The following CALN1 variants were observed in gnomAD, a reference collection of about 807,000 sequenced individuals.
CALN1 encodes calcium-binding protein 8.
Under a neutral mutation model 30.6 loss-of-function variants are expected in CALN1, and 17 were observed. The observed-to-expected ratio is 0.56, with a 90% CI of 0.38 to 0.83. The LOEUF is 0.83. Among genes scored for constraint, CALN1 ranks in the 40% least tolerant of loss-of-function variants. CALN1 has a pLI of 0.00. For synonymous variants in CALN1, 156 were observed against 131.4 expected (o/e 1.19, Z -1.28); for missense variants, 291 against 354.9 (o/e 0.82, Z 1.45).
chr7:72,042,607 G>A (rs529798971), intron 4 of CALN1, among the ~76,000 whole-genome samples: 10 of 152,190 alleles, frequency 6.6e-5, no homozygotes, highest in African/African-American at 1.7e-4. Flanking sequence ...TGGATCACAC[G>A]TACGTATAAC....
At chr7:72,124,974 TATTA>T (rs1239786093) in intron 3 of CALN1, among the ~76,000 whole-genome samples, 2 of 152,158 alleles carry the variant, frequency 1.3e-5, no homozygotes, top group African/African-American at 2.4e-5. Context: ...ATTTTTTTAC[TATTA>T]ATTTTCTAGT....
In CALN1 at chr7:72,128,454, A is replaced by G. The variant is rs576526516; in HGVS notation, c.245-22160T>C. Among the ~76,000 whole-genome samples, 10 of 152,358 alleles carry G rather than the reference A, an allele frequency of 6.6e-5. No homozygotes were observed. In the East Asian group the frequency reaches 1.9e-3, roughly 29 times the overall value. ...ATCCCAAAACAATCAAAGATTAAGTATATTAAAACAAACTCATAATTCCTA... is the reference window on the plus strand; with the variant it reads ...ATCCCAAAACAATCAAAGATTAAGTGTATTAAAACAAACTCATAATTCCTA... On this transcript the variant is annotated intron_variant, in intron 3 of 6. Transcript: ENST00000395275.
At chr7:72,188,325 A>G (rs1790353830) in intron 3 of CALN1, among the ~76,000 whole-genome samples, 1 of 152,182 alleles carries the variant, frequency 6.6e-6, no homozygotes, top group African/African-American at 2.4e-5. Context: ...TTACGTATAC[A>G]TATTCTTTAT....
intron 3 of CALN1, among the ~76,000 whole-genome samples, chr7:72,266,917 G>A (rs542895379): frequency 6.6e-6 from 1 of 152,184 alleles, no homozygotes; most frequent in Non-Finnish European, 1.5e-5. Context: ...CAAGCCTCCA[G>A]GAGGAAGGTA....
At chr7:71,891,910 C>T (rs1793260564) in intron 5 of CALN1, among the ~76,000 whole-genome samples, 1 of 151,908 alleles carries the variant, frequency 6.6e-6, no homozygotes, top group East Asian at 1.9e-4. Flanking sequence ...CCCCACTGCA[C>T]TCCAGCCTGG....
At chr7:71,945,958 T>C (rs1164006317) in intron 5 of CALN1, among the ~76,000 whole-genome samples, 1 of 152,060 alleles carries the variant, frequency 6.6e-6, no homozygotes, top group Admixed American at 6.6e-5. Flanking sequence ...TTCAGAGAAG[T>C]TAGGGCAGAG....
intron 3 of CALN1, among the ~76,000 whole-genome samples, chr7:72,115,557 C>T (rs372550616): frequency 2.9e-5 from 4 of 138,630 alleles, no homozygotes; most frequent in African/African-American, 8.4e-5. Flanking sequence ...GGTGCGATCT[C>T]GACTCACTGC....
intron 2 of CALN1, among the ~76,000 whole-genome samples, chr7:72,292,393 C>T (rs1488845233): frequency 6.6e-6 from 1 of 150,694 alleles, no homozygotes; most frequent in African/African-American, 2.5e-5. Flanking sequence ...AGGATTCCAC[C>T]TCATTAGTGA....
chr7:72,290,680 A>G (rs1798418003), intron 2 of CALN1, among the ~76,000 whole-genome samples: 1 of 152,122 alleles, frequency 6.6e-6, no homozygotes. Flanking sequence ...ACTCTTTTTA[A>G]TTGTTCACAT....
intron 3 of CALN1, among the ~76,000 whole-genome samples, chr7:72,177,731 C>T (rs1269170185): frequency 6.8e-6 from 1 of 146,004 alleles, no homozygotes; most frequent in Admixed American, 7.0e-5. Context: ...CACCACTTCA[C>T]TCCAGCCTGG....
intron 4 of CALN1, among the ~76,000 whole-genome samples, chr7:72,069,313 C>T (rs1804236068): frequency 6.6e-6 from 1 of 152,148 alleles, no homozygotes; most frequent in Non-Finnish European, 1.5e-5. Context: ...ACATCTTGGA[C>T]TAGTTTCCTG....
intron 4 of CALN1, among the ~76,000 whole-genome samples, chr7:72,093,368 T>C (rs1414242450): frequency 6.6e-6 from 1 of 152,284 alleles, no homozygotes; most frequent in South Asian, 2.1e-4. Context: ...GTTTCTGCAT[T>C]GAAGATGGCA....
chr7:72,028,756 C>T (rs117084621), intron 4 of CALN1, among the ~76,000 whole-genome samples: 9,145 of 152,210 alleles, frequency 0.06, 302 homozygotes, highest in Non-Finnish European at 0.075. Context: ...TTTGGGAGGC[C>T]GAGATGGGTG....
chr7:72,026,013 C>T (rs1182114277), intron 4 of CALN1, among the ~76,000 whole-genome samples: 1 of 152,030 alleles, frequency 6.6e-6, no homozygotes, highest in East Asian at 1.9e-4. Context: ...CAGTCGGTGG[C>T]CTCTGGAGAA....
In CALN1 at chr7:72,048,697, TCCTC is replaced by T. The variant is rs1802641514; in HGVS notation, c.389-24932_389-24929del. ...TCCTTCCTTGTCTGCCTCCCCTTCT[TCCTC>T]CCTTCTTTCCTTTTTCCCTCTTCTT... On this transcript the variant is annotated intron_variant, in intron 4 of 6. Transcript: ENST00000395275. 2.0e-5 allele frequency among the ~76,000 whole-genome samples: 3 copies of T among 150,680 alleles called. No homozygotes were observed. In the South Asian group the frequency reaches 6.3e-4, roughly 32 times the overall value.
intron 5 of CALN1, among the ~76,000 whole-genome samples, chr7:71,899,714 T>C (rs1401106580): frequency 2.6e-5 from 4 of 152,090 alleles, no homozygotes; most frequent in Non-Finnish European, 5.9e-5. Flanking sequence ...GAGGGCCAGG[T>C]CTCCAGGTAT....
intron 3 of CALN1, 114 bp downstream of exon 3, chr7:72,278,572 G>T: frequency 7.1e-7 from 1 of 1,409,222 alleles, no homozygotes; most frequent in Non-Finnish European, 9.7e-7. Context: ...GGCTACACTT[G>T]GCCACAACTG....
intron 5 of CALN1, among the ~76,000 whole-genome samples, chr7:71,819,461 C>T (rs1283825976): frequency 6.6e-6 from 1 of 152,144 alleles, no homozygotes; most frequent in Non-Finnish European, 1.5e-5. Context: ...GCCTTGGCCT[C>T]CCAAAGTGTT....
chr7:72,159,913 G>A (rs1406425815), intron 3 of CALN1, among the ~76,000 whole-genome samples: 1 of 152,214 alleles, frequency 6.6e-6, no homozygotes, highest in Non-Finnish European at 1.5e-5. Context: ...TGAAGTCTGT[G>A]ACCAGCAGCC....
Sources: allele counts gnomAD v4.1 joint callset (sites outside exome capture counted in the v4.1 genomes callset), GRCh38; gene constraint gnomAD v4.1.1; transcripts MANE v1.5; gene names NCBI Gene and HGNC (gene_info 2026-07-23, HGNC 2026-07-21).